The following FBXO25 variants were observed in gnomAD, a reference collection of about 807,000 sequenced individuals.
FBXO25 encodes F-box only protein 25.
FBXO25 carries 45 observed loss-of-function variants against 51.9 expected under a neutral mutation model. That is an observed-to-expected ratio of 0.87 (90% CI 0.68 to 1.11). The LOEUF is 1.11. Ranked by LOEUF, FBXO25 falls within the 50% of genes most tolerant of loss-of-function variation. The pLI is 0.00. For synonymous variants in FBXO25, 199 were observed against 151.0 expected (o/e 1.32, Z -2.33); for missense variants, 507 against 428.5 (o/e 1.18, Z -1.62).
At chr8:448,005 G>T (rs1798845628) in intron 5 of FBXO25, among the ~76,000 whole-genome samples, 1 of 151,854 alleles carries the variant, frequency 6.6e-6, no homozygotes, top group African/African-American at 2.4e-5. Context: ...GAGATGTTTT[G>T]GGAAACACAA....
Position 476,644 on chromosome 8 carries a change from T to C in FBXO25, c.*7840T>C, listed in dbSNP as rs1008013978. The C allele has an allele frequency of 1.3e-5, 2 of 152,204 alleles. No homozygotes were observed. The highest frequency in any genetic ancestry group is 4.8e-5 in the African/African-American group (2 of 41,458). 9.4% of individuals were successfully genotyped at this position (152,204 alleles called of 1,614,324 possible). On this transcript the variant is annotated 3_prime_UTR_variant, in exon 10 of 10. Transcript: ENST00000350302. ...GGTTATCCAATTCTTTGATATGTAA[T>C]TGCTCATAGTACTCTTAATCCTTTT...
chr8:468,451 C>T (rs1400383115), intron 9 of FBXO25, among the ~76,000 whole-genome samples: 1 of 152,150 alleles, frequency 6.6e-6, no homozygotes, highest in Non-Finnish European at 1.5e-5. Context: ...GCTCCTCTGA[C>T]TCAGTACCAG....
chr8:442,711 C>T (rs1798504748), intron 5 of FBXO25, among the ~76,000 whole-genome samples: 2 of 152,126 alleles, frequency 1.3e-5, no homozygotes, highest in Admixed American at 6.5e-5. Flanking sequence ...CTCAGGTGAT[C>T]TGGCTGCCTC....
rs376002583 is a variant in FBXO25, at chr8:407,513, C to T, written c.-8+447C>T. 4.1e-5 allele frequency: 37 copies of T among 904,006 alleles called. No homozygotes were observed. The East Asian group carries it at 3.0e-3, about 74-fold the overall frequency. The allele number at this position is 904,006 out of a possible 1,614,324, so 56.0% of individuals were successfully genotyped here. ...GGCCGCCCACAGGTGCACCGCGCGT[C>T]CTCAGCCGCTTCCCCTGCCCACCTT... On this transcript the variant is annotated intron_variant, in intron 1 of 9. Transcript: ENST00000350302.
chr8:428,516 T>G (rs537640680), intron 2 of FBXO25, among the ~76,000 whole-genome samples: 55 of 151,546 alleles, frequency 3.6e-4, no homozygotes, highest in Non-Finnish European at 6.5e-4. Context: ...GCACACTGTC[T>G]CTTTATCTTT....
At chr8:468,472 G>A (rs1024628001) in intron 9 of FBXO25, among the ~76,000 whole-genome samples, 5 of 152,152 alleles carry the variant, frequency 3.3e-5, no homozygotes, top group Admixed American at 2.0e-4. Context: ...ATTCGGCACT[G>A]GAGGGCAGAC....
chr8:428,880 A>G (rs1797651666), intron 2 of FBXO25, among the ~76,000 whole-genome samples: 1 of 152,184 alleles, frequency 6.6e-6, no homozygotes, highest in Non-Finnish European at 1.5e-5. Context: ...TTCCTTTTTC[A>G]GACTGAATAA....
chr8:469,166 G>C lies in FBXO25; in HGVS notation c.*362G>C, dbSNP rs1800387178. ...TATGCTTCTTAATTATCAAATTATA[G>C]TTTCCCAATTGGGAAACTAATTGGG... On this transcript the variant is annotated 3_prime_UTR_variant, in exon 10 of 10. Coordinates refer to ENST00000350302, the MANE Select transcript of FBXO25 (RefSeq NM_183420.2). 1 of 183,374 alleles carries C rather than the reference G, an allele frequency of 5.5e-6. No individual in the cohort carries two copies. Among genetic ancestry groups the C allele is most frequent in the Non-Finnish European group, 1.1e-5 (1 of 89,506 alleles). 11.4% of individuals were successfully genotyped at this position (183,374 alleles called of 1,614,324 possible).
chr8:472,190 A>T lies in FBXO25; in HGVS notation c.*3386A>T, dbSNP rs1800505845. The T allele has an allele frequency of 6.6e-6, 1 of 152,238 alleles. No homozygotes were observed. Among genetic ancestry groups the T allele is most frequent in the Admixed American group, 6.5e-5 (1 of 15,278 alleles). 9.4% of individuals were successfully genotyped at this position (152,238 alleles called of 1,614,324 possible). On this transcript the variant is annotated 3_prime_UTR_variant, in exon 10 of 10. Transcript: ENST00000350302. ...CAGTCTCACCATTAACTATGATGTT[A>T]ACCCTGGGTTTTCCATACATACCCT...
At chr8:456,164 G>C (rs1288948453) in intron 7 of FBXO25, among the ~76,000 whole-genome samples, 3 of 152,212 alleles carry the variant, frequency 2.0e-5, no homozygotes, top group Non-Finnish European at 4.4e-5. Context: ...GAGAGTGTTA[G>C]ACTTTTAGTT....
chr8:441,756 AAGAAAAGCTCATCTCTGGTCATTAG>A (rs1798439350), intron 5 of FBXO25, among the ~76,000 whole-genome samples: 1 of 152,236 alleles, frequency 6.6e-6, no homozygotes, highest in Non-Finnish European at 1.5e-5. Context: ...AACAAACATG[AAGAAAAGCTCATCTCTGGTCATTAG>A]AGAAATGCAA....
Position 416,152 on chromosome 8 carries a change from C to T in FBXO25, c.134+2939C>T, listed in dbSNP as rs181783151. On this transcript the variant is annotated intron_variant, in intron 2 of 9. Transcript: ENST00000350302. ...CTGTAAACTGATGTTTCTTGGTCAT[C>T]TGCTATGTGCCGGTAGGGCCCCCAT... 5.3e-5 allele frequency among the ~76,000 whole-genome samples: 8 copies of T among 152,360 alleles called. No individual in the cohort carries two copies. The East Asian group carries it at 1.5e-3, about 29-fold the overall frequency.
chr8:471,240 G>C lies in FBXO25; in HGVS notation c.*2436G>C, dbSNP rs972221415. 6.6e-6 allele frequency: 1 copy of C among 152,288 alleles called. No individual in the cohort carries two copies. Among genetic ancestry groups the C allele is most frequent in the African/African-American group, 2.4e-5 (1 of 41,444 alleles). The allele number at this position is 152,288 out of a possible 1,614,324, so 9.4% of individuals were successfully genotyped here. A position where few individuals can be genotyped will look rare whatever the true frequency, so the allele number is the denominator to read the frequency against. On this transcript the variant is annotated 3_prime_UTR_variant, in exon 10 of 10. Transcript: ENST00000350302. ...TCGAGGGACAAGCTGTGGGAGCTGG[G>C]CAGGTAAGCAGGGATGGCTTACATT...
At chr8:436,453 T>A (rs532468172) in intron 5 of FBXO25, among the ~76,000 whole-genome samples, 1 of 152,340 alleles carries the variant, frequency 6.6e-6, no homozygotes, top group East Asian at 1.9e-4. Context: ...TTTAGGGAGT[T>A]AAATAATTGT....
intron 9 of FBXO25, chr8:467,818 T>C: frequency 6.2e-7 from 1 of 1,602,020 alleles, no homozygotes; most frequent in Non-Finnish European, 8.6e-7. Context: ...CTCATGCACG[T>C]CATCTTGGCC....
At chr8:457,545 G>T (rs574238651) in intron 7 of FBXO25, among the ~76,000 whole-genome samples, 1 of 152,308 alleles carries the variant, frequency 6.6e-6, no homozygotes, top group African/African-American at 2.4e-5. Context: ...GGAAGGTGGG[G>T]GGATGTTGGA....
intron 1 of FBXO25, among the ~76,000 whole-genome samples, chr8:409,168 T>A (rs1354490045): frequency 6.6e-6 from 1 of 152,192 alleles, no homozygotes; most frequent in Non-Finnish European, 1.5e-5. Flanking sequence ...AAATTGCAAC[T>A]TGTCTTTTTT....
intron 2 of FBXO25, among the ~76,000 whole-genome samples, chr8:422,402 G>A (rs1205905059): frequency 6.6e-6 from 1 of 152,216 alleles, no homozygotes; most frequent in African/African-American, 2.4e-5. Context: ...GTGATGAGAG[G>A]AGACTACAAA....
chr8:410,575 C>G (rs1006648383), intron 1 of FBXO25, among the ~76,000 whole-genome samples: 2 of 152,126 alleles, frequency 1.3e-5, no homozygotes, highest in African/African-American at 4.8e-5. Flanking sequence ...TCATCTGCTA[C>G]TTCATGGTCT....
Sources: gnomAD v4.1 joint callset for allele counts (sites outside exome capture counted in the v4.1 genomes callset) on GRCh38, gnomAD v4.1.1 for gene constraint, MANE v1.5 for transcripts, NCBI Gene and HGNC (gene_info 2026-07-23, HGNC 2026-07-21) for gene names.